The following HSPA12A variants were observed in gnomAD, a reference collection of about 807,000 sequenced individuals.
HSPA12A encodes the protein heat shock 70 kDa protein 12A.
Under a neutral mutation model 69.2 loss-of-function variants are expected in HSPA12A, and 28 were observed. The ratio of observed to expected loss-of-function variants is 0.40; its 90% CI spans 0.30 to 0.55. The LOEUF (loss-of-function observed/expected upper bound fraction) is 0.55. Among genes scored for constraint, HSPA12A ranks in the 20% least tolerant of loss-of-function variants. The probability of loss-of-function intolerance (pLI) is 0.38; values close to 1 mark genes in which losing one functional copy is unlikely to be tolerated. For missense variants in HSPA12A, 686 were observed against 900.7 expected, an observed-to-expected ratio of 0.76 and a Z score of 3.05; for synonymous variants, 345 against 370.5, an observed-to-expected ratio of 0.93 and a Z score of 0.79.
chr10:116,789,234 A>C (rs1844648323), intron 2 of HSPA12A, among the ~76,000 whole-genome samples: 4 of 152,274 alleles, frequency 2.6e-5, no homozygotes, highest in Middle Eastern at 3.4e-3. Context: ...CGCAAAATAA[A>C]ATTACATTAC....
chr10:116,713,824 C>T (rs1200827888), intron 1 of HSPA12A, among the ~76,000 whole-genome samples: 1 of 152,194 alleles, frequency 6.6e-6, no homozygotes, highest in African/African-American at 2.4e-5. Flanking sequence ...ACAGCCCTTC[C>T]CTCCAGCATC....
chr10:116,770,102 T>C (rs115135726), intron 2 of HSPA12A, among the ~76,000 whole-genome samples: 1,992 of 152,250 alleles, frequency 0.013, 54 homozygotes, highest in African/African-American at 0.046. Flanking sequence ...CATAGTTCCA[T>C]TGATCCTCAG....
At chr10:116,698,461 T>C (rs1849979905) in intron 5 of HSPA12A, 174 bp downstream of exon 5, 6 of 470,264 alleles carry the variant, frequency 1.3e-5, no homozygotes, top group South Asian at 5.1e-5. Context: ...ACCATTTTAC[T>C]TTCCCACCAG....
intron 2 of HSPA12A, among the ~76,000 whole-genome samples, chr10:116,763,111 A>C (rs1554889433): frequency 6.6e-6 from 1 of 152,186 alleles, no homozygotes; most frequent in African/African-American, 2.4e-5. Context: ...CACATGGTAA[A>C]TGCATAAAGA....
chr10:116,812,727 C>T (rs1845216711), intron 2 of HSPA12A, among the ~76,000 whole-genome samples: 1 of 152,190 alleles, frequency 6.6e-6, no homozygotes, highest in Non-Finnish European at 1.5e-5. Context: ...CCACTCTTTC[C>T]TTCAGGGAAT....
intron 1 of HSPA12A, among the ~76,000 whole-genome samples, chr10:116,840,555 C>T (rs1290778731): frequency 1.3e-5 from 2 of 152,150 alleles, no homozygotes; most frequent in African/African-American, 4.8e-5. Flanking sequence ...GATTAGGCAA[C>T]CAAAGTTCAG....
At chr10:116,763,671 C>A (rs1844018969) in intron 2 of HSPA12A, among the ~76,000 whole-genome samples, 1 of 152,162 alleles carries the variant, frequency 6.6e-6, no homozygotes, top group African/African-American at 2.4e-5. Context: ...CATCTCCAGG[C>A]AGACACAAAG....
chr10:116,709,443 T>A (rs1327380373), intron 1 of HSPA12A, among the ~76,000 whole-genome samples: 14 of 128,646 alleles, frequency 1.1e-4, no homozygotes, highest in Non-Finnish European at 2.1e-4. Flanking sequence ...CAAGACTCCA[T>A]CTCAAAAAAA....
chr10:116,745,805 C>T (rs932442575), upstream of HSPA12A, among the ~76,000 whole-genome samples: 1 of 152,148 alleles, frequency 6.6e-6, no homozygotes, highest in Non-Finnish European at 1.5e-5. Context: ...CTGTGCCCAA[C>T]CCCCCATCAC....
intron 10 of HSPA12A, 136 bp from the exon 11 acceptor site, chr10:116,676,638 C>A: frequency 1.5e-6 from 1 of 650,164 alleles, no homozygotes; most frequent in African/African-American, 1.8e-5. Context: ...GCCAAAAGCA[C>A]CTTTGGAAAC....
At chr10:116,799,139 G>A (rs910943232) in intron 2 of HSPA12A, among the ~76,000 whole-genome samples, 25 of 152,294 alleles carry the variant, frequency 1.6e-4, no homozygotes, top group African/African-American at 5.8e-4. Context: ...TCCTGGACAT[G>A]GATGTGACTG....
chr10:116,673,019 G>C lies in HSPA12A; in HGVS notation c.*1762C>G, dbSNP rs1849129018. 1 of 152,636 alleles carries C rather than the reference G, an allele frequency of 6.6e-6. No homozygotes were observed. 9.5% of individuals were successfully genotyped at this position (152,636 alleles called of 1,614,324 possible). On this transcript the variant is annotated 3_prime_UTR_variant, in exon 12 of 12. Transcript: ENST00000369209. ...AATGCTGTTTAAAATCTGCATATTG[G>C]CTATGATAATGGGTTTGTGAATCCA...
chr10:116,835,908 A>G (rs1375263729), intron 1 of HSPA12A, among the ~76,000 whole-genome samples: 7 of 152,302 alleles, frequency 4.6e-5, no homozygotes, highest in Middle Eastern at 3.4e-3. Context: ...ACGAGAGAGG[A>G]GCGAAAGAAA....
In HSPA12A at chr10:116,712,419, C is replaced by T. The variant is rs146598306; in HGVS notation, c.41-5134G>A. On this transcript the variant is annotated intron_variant, in intron 1 of 11. Transcript: ENST00000369209. ...CTCCTGCCCCAGGATTTCTTACAAC[C>T]CCAAACCAGGCAATTGAGGAGGAAC... Among the ~76,000 whole-genome samples, 3 of 152,238 alleles carry T rather than the reference C, an allele frequency of 2.0e-5. No individual in the cohort carries two copies. In the East Asian group the frequency reaches 5.8e-4, roughly 29 times the overall value.
chr10:116,843,595 T>C (rs1845836343), intron 1 of HSPA12A, among the ~76,000 whole-genome samples: 1 of 152,264 alleles, frequency 6.6e-6, no homozygotes, highest in African/African-American at 2.4e-5. Flanking sequence ...AGAACCAGGG[T>C]TAGAACTCAG....
chr10:116,769,085 A>G (rs1332221322), intron 2 of HSPA12A, among the ~76,000 whole-genome samples: 1 of 152,168 alleles, frequency 6.6e-6, no homozygotes, highest in Non-Finnish European at 1.5e-5. Flanking sequence ...AGACACAAAC[A>G]TCGGACCATT....
intron 2 of HSPA12A, among the ~76,000 whole-genome samples, chr10:116,781,503 G>A (rs1554891797): frequency 6.6e-6 from 1 of 152,154 alleles, no homozygotes; most frequent in Non-Finnish European, 1.5e-5. Context: ...AAAACTGAAG[G>A]GGAGGAGTGG....
chr10:116,711,088 G>A (rs370236639), intron 1 of HSPA12A, among the ~76,000 whole-genome samples: 5 of 152,332 alleles, frequency 3.3e-5, no homozygotes, highest in East Asian at 3.9e-4. Flanking sequence ...GAGAATTGAT[G>A]TATGGAATGC....
In HSPA12A at chr10:116,679,589, C is replaced by T. The variant is rs782232321; in HGVS notation, c.1200G>A (p.Pro400=). The T allele has an allele frequency of 3.2e-5, 51 of 1,614,262 alleles. No individual in the cohort carries two copies. The Middle Eastern group carries it at 1.2e-3, about 37-fold the overall frequency. Residue 400 remains proline (P), a synonymous_variant, in exon 10 of 12, where the codon CCG becomes CCA. Transcript: ENST00000369209. ...KRAAAPDRTN[P]LNITLPFSFI... Reference sequence around the variant, plus strand: ...AGGAGAAGGGCAGGGTGATGTTCAGCGGGTTAGTTCTGTCTGGGGCAGCCG... The same window carrying T: ...AGGAGAAGGGCAGGGTGATGTTCAGTGGGTTAGTTCTGTCTGGGGCAGCCG...
Sources: allele counts gnomAD v4.1 joint callset (sites outside exome capture counted in the v4.1 genomes callset), GRCh38; gene constraint gnomAD v4.1.1; transcripts MANE v1.5; gene names NCBI Gene and HGNC (gene_info 2026-07-23, HGNC 2026-07-21).